CTCF: variants seen among roughly 807,000 people sequenced by gnomAD.
CTCF encodes the protein transcriptional repressor CTCF.
A neutral mutation model predicts 72.3 loss-of-function variants in CTCF; 7 were observed. The ratio of observed to expected loss-of-function variants is 0.10; its 90% CI spans 0.06 to 0.18. The LOEUF (loss-of-function observed/expected upper bound fraction) is 0.18, where lower values mean the gene tolerates loss of function less well. Among genes scored for constraint, CTCF ranks in the 10% least tolerant of loss-of-function variants. CTCF has a pLI of 1.00. For missense variants in CTCF, 516 were observed against 949.1 expected, an observed-to-expected ratio of 0.54 and a Z score of 6.00; for synonymous variants, 374 against 315.8, an observed-to-expected ratio of 1.18 and a Z score of -1.95.
intron 2 of CTCF, among the ~76,000 whole-genome samples, chr16:67,608,739 T>C (rs1181755772): frequency 6.6e-6 from 1 of 151,588 alleles, no homozygotes; most frequent in Non-Finnish European, 1.5e-5. Context: ...TTTAGTGTTT[T>C]TTTTTTTCTT....
Position 67,587,043 on chromosome 16 carries a change from T to G in CTCF, c.-10+15779T>G, listed in dbSNP as rs531142525. Among the ~76,000 whole-genome samples, 10 of 152,050 alleles carry G rather than the reference T, an allele frequency of 6.6e-5. No individual in the cohort carries two copies. The South Asian group carries it at 2.1e-3, about 32-fold the overall frequency. ...TCTTGGGTTTATAGGTGTGAGCCAC[T>G]GTGCCTGGCCTGCTACTTGCTAAAG... On this transcript the variant is annotated intron_variant, in intron 2 of 11. Transcript: ENST00000264010.
intron 10 of CTCF, among the ~76,000 whole-genome samples, chr16:67,632,597 T>C (rs1806615170): frequency 1.3e-5 from 2 of 152,204 alleles, no homozygotes; most frequent in South Asian, 4.1e-4. Context: ...GGCTTTTTGC[T>C]GAAATACCAC....
Position 67,587,031 on chromosome 16 carries a change from G to A in CTCF, c.-10+15767G>A, listed in dbSNP as rs1346311928. On this transcript the variant is annotated intron_variant, in intron 2 of 11. Coordinates refer to ENST00000264010, the MANE Select transcript of CTCF (RefSeq NM_006565.4). The stretch of plus-strand genomic sequence containing the variant: ...GCTTGTCCCATCTCTTGGGTTTATA[G>A]GTGTGAGCCACTGTGCCTGGCCTGC... 6.6e-5 allele frequency among the ~76,000 whole-genome samples: 10 copies of A among 151,538 alleles called. No homozygotes were observed. The South Asian group carries it at 8.3e-4, about 13-fold the overall frequency.
chr16:67,570,875 G>T (rs967399648), intron 1 of CTCF: 4 of 151,186 alleles, frequency 2.6e-5, no homozygotes, highest in Non-Finnish European at 5.9e-5. Flanking sequence ...AAAGCGTTAA[G>T]ATTACTGGTG....
chr16:67,592,821 G>A (rs2051763266), intron 2 of CTCF, among the ~76,000 whole-genome samples: 2 of 152,102 alleles, frequency 1.3e-5, no homozygotes, highest in Admixed American at 6.5e-5. Context: ...GAGCTCAGGA[G>A]TTTGAGACCA....
intron 10 of CTCF, among the ~76,000 whole-genome samples, chr16:67,631,167 TTTTTG>T (rs2052359165): frequency 1.4e-5 from 2 of 138,536 alleles, no homozygotes; most frequent in African/African-American, 5.5e-5. Flanking sequence ...TTTTTTTTGT[TTTTTG>T]TTTTTTTTTT....
chr16:67,571,371 C>G (rs778024448), intron 2 of CTCF, 107 bp downstream of exon 2: 3 of 152,400 alleles, frequency 2.0e-5, no homozygotes, highest in Non-Finnish European at 4.4e-5. Context: ...TGCAGGATAT[C>G]AGGTGATTGA....
rs931017189 is a variant in CTCF at position 67,592,009 on chromosome 16, G to A, written c.-9-18815G>A. Among the ~76,000 whole-genome samples the A allele has an allele frequency of 4.6e-5, 7 of 152,128 alleles. No homozygotes were observed. In the East Asian group the frequency reaches 7.7e-4, roughly 17 times the overall value. ...ATTATATGTGTGAGCCACTGTGCCC[G>A]ACCTGATGACTTATAATTGCTTTTT... On this transcript the variant is annotated intron_variant, in intron 2 of 11. Coordinates refer to ENST00000264010, the MANE Select transcript of CTCF (RefSeq NM_006565.4).
chr16:67,586,505 C>T (rs887130642), intron 2 of CTCF, among the ~76,000 whole-genome samples: 2 of 149,082 alleles, frequency 1.3e-5, no homozygotes, highest in Non-Finnish European at 3.0e-5. Context: ...CACTGCACTC[C>T]AGCCTGGGCG....
At chr16:67,565,779 A>G (rs1336719538) in intron 1 of CTCF, among the ~76,000 whole-genome samples, 4 of 151,040 alleles carry the variant, frequency 2.6e-5, no homozygotes, top group Admixed American at 1.3e-4. Flanking sequence ...AGATGCATTC[A>G]AATTCTAAGA....
intron 2 of CTCF, among the ~76,000 whole-genome samples, chr16:67,582,439 T>C (rs2051596231): frequency 1.3e-5 from 2 of 152,122 alleles, no homozygotes. Context: ...ATGCCTGTAA[T>C]CCCAGTACTT....
At chr16:67,563,512 C>T (rs1567586908) in intron 1 of CTCF, 1 of 152,170 alleles carries the variant, frequency 6.6e-6, no homozygotes, top group African/African-American at 2.4e-5. Flanking sequence ...GACGCGCGCT[C>T]GCCGCCCCCG....
At chr16:67,626,325 C>T (rs907790965) in intron 7 of CTCF, among the ~76,000 whole-genome samples, 13 of 151,580 alleles carry the variant, frequency 8.6e-5, no homozygotes, top group South Asian at 2.1e-4. Context: ...TGGTGGCGGG[C>T]GCCTGTAGTC....
rs1419081848 is a variant in CTCF, at chr16:67,607,414, T to G, written c.-9-3410T>G. On this transcript the variant is annotated intron_variant, in intron 2 of 11. Transcript: ENST00000264010. Reference sequence around the variant, plus strand: ...TCCACCTCCAGGGTTCAAGTTCTTTTCGTGCCTCAGCCTCCCAAGTAGCTG... The same window carrying G: ...TCCACCTCCAGGGTTCAAGTTCTTTGCGTGCCTCAGCCTCCCAAGTAGCTG... Among the ~76,000 whole-genome samples the G allele has an allele frequency of 3.3e-5, 5 of 151,936 alleles. No homozygotes were observed. In the East Asian group the frequency reaches 9.7e-4, roughly 30 times the overall value.
At chr16:67,597,322 C>T (rs1224562077) in intron 2 of CTCF, among the ~76,000 whole-genome samples, 1 of 152,058 alleles carries the variant, frequency 6.6e-6, no homozygotes, top group Non-Finnish European at 1.5e-5. Flanking sequence ...GCGTAAGTCT[C>T]TGTACCTGGC....
At chr16:67,626,992 C>G (rs1048999388) in intron 8 of CTCF, 10 of 275,704 alleles carry the variant, frequency 3.6e-5, no homozygotes, top group East Asian at 3.1e-4. Context: ...GGGGAAGAAT[C>G]TCATGCGGGG....
intron 4 of CTCF, 59 bp downstream of exon 4, chr16:67,612,180 A>G: frequency 1.3e-6 from 2 of 1,513,948 alleles, no homozygotes; most frequent in South Asian, 1.2e-5. Context: ...GCTTTTTAGT[A>G]TTCATTCAAG....
chr16:67,600,997 T>A (rs1317875084), intron 2 of CTCF, among the ~76,000 whole-genome samples: 1 of 152,058 alleles, frequency 6.6e-6, no homozygotes, highest in Admixed American at 6.6e-5. Context: ...TGAGTGGGTA[T>A]GTTTTGTACT....
intron 1 of CTCF, chr16:67,563,265 C>T (rs955877540): frequency 8.5e-5 from 13 of 152,464 alleles, no homozygotes; most frequent in African/African-American, 1.9e-4. Flanking sequence ...GGCTGCCCCT[C>T]CTCCAGCCAG....
Sources: gnomAD v4.1 joint callset for allele counts (sites outside exome capture counted in the v4.1 genomes callset) on GRCh38, gnomAD v4.1.1 for gene constraint, MANE v1.5 for transcripts, NCBI Gene and HGNC (gene_info 2026-07-23, HGNC 2026-07-21) for gene names.